The following ACSBG2 variants were observed in gnomAD, a reference collection of about 807,000 sequenced individuals.
ACSBG2 encodes the protein acyl-CoA synthetase bubblegum family member 2.
Under a neutral mutation model 74.7 loss-of-function variants are expected in ACSBG2, and 62 were observed. That is an observed-to-expected ratio of 0.83 (90% CI 0.68 to 1.03). The LOEUF is 1.03. Among genes scored for constraint, ACSBG2 ranks in the 50% least tolerant of loss-of-function variants. The pLI is 0.00. For missense variants in ACSBG2, 730 were observed against 817.6 expected, an observed-to-expected ratio of 0.89 and a Z score of 1.31; for synonymous variants, 309 against 294.1, an observed-to-expected ratio of 1.05 and a Z score of -0.52.
At chr19:6,176,103 G>C (rs2145199713) in intron 7 of ACSBG2, 1 of 364,970 alleles carries the variant, frequency 2.7e-6, no homozygotes, top group East Asian at 4.1e-5. Context: ...CTAACTTCAG[G>C]CAAGTTAGTT....
intron 6 of ACSBG2, chr19:6,161,498 T>C (rs7254965): frequency 0.62 from 304,262 of 492,988 alleles, 96,815 homozygotes; most frequent in Admixed American, 0.69. Context: ...AAAGTGGGTG[T>C]GACCTTTCAA....
At chr19:6,161,099 C>A (rs1284040487) in intron 5 of ACSBG2, 116 bp from the exon 6 acceptor site, 75 of 566,578 alleles carry the variant, frequency 1.3e-4, no homozygotes, top group East Asian at 1.0e-3. Flanking sequence ...GACTGTGTCT[C>A]AAAAAAAAAA....
At chr19:6,190,365 T>C (rs2090528937) in intron 13 of ACSBG2, 2 of 520,732 alleles carry the variant, frequency 3.8e-6, no homozygotes, top group Non-Finnish European at 7.0e-6. Flanking sequence ...CACCATGCTC[T>C]TCACCTTCCA....
chr19:6,167,978 C>A (rs1300687481), intron 7 of ACSBG2, among the ~76,000 whole-genome samples: 1 of 141,254 alleles, frequency 7.1e-6, no homozygotes. Context: ...CCCACCCTCA[C>A]CCCCACCCCC....
Position 6,138,123 on chromosome 19 carries a change from C to T in ACSBG2, c.-32+2214C>T, listed in dbSNP as rs117460178. On this transcript the variant is annotated intron_variant, in intron 1 of 14. Transcript: ENST00000588485. Reference sequence around the variant, plus strand: ...GGGTAGTTTTAAAGCAAGCACCAGACAGTGTGTTCTTTCATGCATGAATCC... The same window carrying T: ...GGGTAGTTTTAAAGCAAGCACCAGATAGTGTGTTCTTTCATGCATGAATCC... Among the ~76,000 whole-genome samples, 1,296 of 152,284 alleles carry T rather than the reference C, an allele frequency of 8.5e-3. 19 individuals are homozygous for T. Among genetic ancestry groups the T allele is most frequent in the South Asian group, 0.032 (156 of 4,830 alleles).
At chr19:6,161,391 T>TCGGACCG (rs931174465) in intron 6 of ACSBG2, 96 bp downstream of exon 6, 66 of 1,187,656 alleles carry the variant, frequency 5.6e-5, no homozygotes, top group Non-Finnish European at 7.2e-5. Flanking sequence ...AGGGAGGAGG[T>TCGGACCG]CGGACCTGGC....
intron 7 of ACSBG2, among the ~76,000 whole-genome samples, chr19:6,167,834 A>G (rs1335941881): frequency 6.6e-6 from 1 of 152,230 alleles, no homozygotes; most frequent in Non-Finnish European, 1.5e-5. Flanking sequence ...AAGTTCAGAC[A>G]TTACAGAAGC....
intron 13 of ACSBG2, 119 bp from the exon 14 acceptor site, chr19:6,190,465 A>G (rs977150536): frequency 6.2e-5 from 49 of 790,140 alleles, no homozygotes; most frequent in Non-Finnish European, 9.8e-5. Flanking sequence ...CTGAAAGTCA[A>G]TGGCACAGCC....
intron 6 of ACSBG2, 67 bp from the exon 7 acceptor site, chr19:6,165,799 G>A (rs1339005327): frequency 3.2e-6 from 5 of 1,581,030 alleles, no homozygotes; most frequent in East Asian, 4.5e-5. Flanking sequence ...CTGATAGGAC[G>A]AGGTCTGGCT....
At chr19:6,135,656 T>G (rs1488032104), upstream of ACSBG2, 1 of 152,298 alleles carries the variant, frequency 6.6e-6, no homozygotes, top group Non-Finnish European at 1.5e-5. Context: ...GATGGAACGT[T>G]CTGGAAGGTT....
rs1489433606 is a variant in ACSBG2 at position 6,182,860 on chromosome 19, T to C, written c.1016T>C (p.Met339Thr). ...GTGAAGAAAAATAGTGCCAAGTCCA[T>C]GGGCTTGAAGAAGAAGGCATTCGTG... ...EMVKKNSAKS[M>T]GLKKKAFVWA... The change falls in exon 9 of 15, where the codon ATG becomes ACG. Residue 339 changes from methionine to threonine, a missense_variant. Physicochemically the swap from Met to Thr is moderately conservative, Grantham distance 81 (BLOSUM62 -1). Transcript: ENST00000588485. 2 of 1,614,034 alleles carry C rather than the reference T, an allele frequency of 1.2e-6. No individual in the cohort carries two copies. Among genetic ancestry groups the C allele is most frequent in the African/African-American group, 1.3e-5 (1 of 74,900 alleles).
rs184474498 is a variant in ACSBG2 at position 6,141,731 on chromosome 19, G to A, written c.67+121G>A. The A allele has an allele frequency of 2.1e-4, 140 of 678,196 alleles. No homozygotes were observed. In the African/African-American group the frequency reaches 2.2e-3, roughly 11 times the overall value. The allele number at this position is 678,196 out of a possible 1,614,324, so 42.0% of individuals were successfully genotyped here. A position where few individuals can be genotyped will look rare whatever the true frequency, so the allele number is the denominator to read the frequency against. Reference sequence around the variant, plus strand: ...TTCCTTGCCTGACCCTGCTGACCCCGACCCCCCACCCTTTTGTTTTGAGAC... The same window carrying A: ...TTCCTTGCCTGACCCTGCTGACCCCAACCCCCCACCCTTTTGTTTTGAGAC... On this transcript the variant is annotated intron_variant, in intron 2 of 14. Coordinates refer to ENST00000588485, the MANE Select transcript of ACSBG2 (RefSeq NM_030924.5).
At chr19:6,149,818 C>T (rs2089170967) in intron 3 of ACSBG2, among the ~76,000 whole-genome samples, 1 of 141,876 alleles carries the variant, frequency 7.0e-6, no homozygotes, top group South Asian at 2.1e-4. Flanking sequence ...TCAAGAGATC[C>T]ACCCACCTCG....
chr19:6,182,724 T>C (rs1222007047), intron 8 of ACSBG2, 27 bp from the exon 9 acceptor site: 2 of 1,607,592 alleles, frequency 1.2e-6, no homozygotes, highest in Non-Finnish European at 1.7e-6. Context: ...GGCCCTGCTG[T>C]GGCTAACCTA....
chr19:6,187,419 G>C lies in ACSBG2; in HGVS notation c.1677G>C (p.Leu559=). ...AGTTTCTGAGCATGTTGCTGACGCT[G>C]AAGGTAACATGGGTTTGCTGTCATT... is the stretch of plus-strand genomic sequence containing the variant. ...KLKFLSMLLT[L]KCEMNQMSGE... The change falls in exon 12 of 15, where the codon CTG becomes CTC. Residue 559 remains leucine, a synonymous_variant. Transcript: ENST00000588485. 3.1e-6 allele frequency: 5 copies of C among 1,614,154 alleles called. No homozygotes were observed. The highest frequency in any genetic ancestry group is 4.2e-6 in the Non-Finnish European group (5 of 1,180,018).
At chr19:6,173,470 G>A (rs946428192) in intron 7 of ACSBG2, among the ~76,000 whole-genome samples, 2 of 152,192 alleles carry the variant, frequency 1.3e-5, no homozygotes, top group African/African-American at 4.8e-5. Flanking sequence ...AAGGGCAGAG[G>A]AGCTCCCTGA....
intron 3 of ACSBG2, among the ~76,000 whole-genome samples, chr19:6,147,920 A>T (rs1051120138): frequency 6.6e-6 from 1 of 151,994 alleles, no homozygotes; most frequent in African/African-American, 2.4e-5. Context: ...AAATTTTTAT[A>T]TATGCAAATT....
chr19:6,183,007 C>A, intron 9 of ACSBG2, 32 bp from the exon 10 acceptor site: 1 of 1,613,340 alleles, frequency 6.2e-7, no homozygotes, highest in Non-Finnish European at 8.5e-7. Flanking sequence ...TCCCATCAGC[C>A]CTTCTCCACT....
rs1434679122 is a variant in ACSBG2 at position 6,182,760 on chromosome 19, G to A, written c.916G>A (p.Val306Ile). The change falls in exon 9 of 15, where the codon GTA (valine) becomes ATA (isoleucine). Residue 306 changes from valine (V) to isoleucine (I), a missense_variant. Coordinates refer to ENST00000588485, the MANE Select transcript of ACSBG2 (RefSeq NM_030924.5). ...GCTTCGTTCCATACAGGGCACCTTG[G>A]TAAGTACTCTAAAGGAGGTAAAACC... is the stretch of plus-strand genomic sequence containing the variant. ...AQADALKGTL[V>I]STLKEVKPTV... is the part of the protein sequence containing the mutation. 1 of 1,614,082 alleles carries A rather than the reference G, an allele frequency of 6.2e-7. No homozygotes were observed. The highest frequency in any genetic ancestry group is 2.2e-5 in the East Asian group (1 of 44,884).
Sources: allele counts gnomAD v4.1 joint callset (sites outside exome capture counted in the v4.1 genomes callset), GRCh38; gene constraint gnomAD v4.1.1; transcripts MANE v1.5; gene names NCBI Gene and HGNC (gene_info 2026-07-23, HGNC 2026-07-21).